HMGA2: variants seen among roughly 807,000 people sequenced by gnomAD.
The protein encoded by HMGA2 is high mobility group AT-hook 2, also known as high mobility group protein HMGI-C.
HMGA2 carries 8 observed loss-of-function variants against 19.1 expected under a neutral mutation model. The ratio of observed to expected loss-of-function variants is 0.42; its 90% CI spans 0.25 to 0.76. The LOEUF (loss-of-function observed/expected upper bound fraction) is 0.76, where lower values mean the gene tolerates loss of function less well. Ranked by LOEUF, HMGA2 falls within the 30% of genes least tolerant of loss-of-function variation. The pLI is 0.28. For missense variants in HMGA2, 109 were observed against 136.3 expected (o/e 0.80, Z 1.00); for synonymous variants, 60 against 48.8 (o/e 1.23, Z -0.96).
intron 3 of HMGA2, among the ~76,000 whole-genome samples, chr12:65,877,772 G>A (rs1291029958): frequency 6.6e-6 from 1 of 151,550 alleles, no homozygotes; most frequent in Non-Finnish European, 1.5e-5. Context: ...TGGATGACCT[G>A]CCTGGTTTTT....
At chr12:65,864,403 T>G (rs1247820747) in intron 3 of HMGA2, among the ~76,000 whole-genome samples, 1 of 152,126 alleles carries the variant, frequency 6.6e-6, no homozygotes, top group Non-Finnish European at 1.5e-5. Context: ...AAAGACAAAA[T>G]TACATAGCCA....
intron 3 of HMGA2, among the ~76,000 whole-genome samples, chr12:65,911,654 G>A (rs1874850643): frequency 6.6e-6 from 1 of 152,088 alleles, no homozygotes; most frequent in South Asian, 2.1e-4. Context: ...CTCCTAATGA[G>A]CATTCGGTCA....
intron 3 of HMGA2, among the ~76,000 whole-genome samples, chr12:65,943,360 A>G (rs551183391): frequency 2.2e-4 from 33 of 152,264 alleles, no homozygotes; most frequent in African/African-American, 7.5e-4. Context: ...CACCAGAGGG[A>G]AGGCAAAAAC....
At chr12:65,935,933 G>T (rs1053191276) in intron 3 of HMGA2, among the ~76,000 whole-genome samples, 6 of 152,040 alleles carry the variant, frequency 3.9e-5, no homozygotes, top group Admixed American at 2.0e-4. Flanking sequence ...GTCTTGCAGG[G>T]TAGCAGTTAA....
At chr12:65,835,423 C>T (rs531902879) in intron 2 of HMGA2, among the ~76,000 whole-genome samples, 6 of 152,272 alleles carry the variant, frequency 3.9e-5, no homozygotes, top group East Asian at 3.9e-4. Flanking sequence ...CCCAGATTGA[C>T]GCCACACAGC....
At chr12:65,905,222 A>G (rs1022631817) in intron 3 of HMGA2, among the ~76,000 whole-genome samples, 1 of 152,084 alleles carries the variant, frequency 6.6e-6, no homozygotes, top group Non-Finnish European at 1.5e-5. Context: ...GAAAATAAGG[A>G]TAAATACTAA....
At chr12:65,865,233 G>A (rs2070343813) in intron 3 of HMGA2, among the ~76,000 whole-genome samples, 1 of 152,196 alleles carries the variant, frequency 6.6e-6, no homozygotes, top group South Asian at 2.1e-4. Context: ...GCAGTCAACA[G>A]TAGGCTATTA....
intron 3 of HMGA2, among the ~76,000 whole-genome samples, chr12:65,885,661 A>G (rs538295101): frequency 2.6e-5 from 4 of 152,328 alleles, no homozygotes; most frequent in African/African-American, 9.6e-5. Context: ...TCGCTCATGC[A>G]CCTGACAGCA....
At chr12:65,894,843 A>G (rs1234145150) in intron 3 of HMGA2, among the ~76,000 whole-genome samples, 1 of 152,198 alleles carries the variant, frequency 6.6e-6, no homozygotes, top group African/African-American at 2.4e-5. Context: ...ACAATTATGT[A>G]TGCTCAATTA....
At chr12:65,896,530 C>T (rs541104277) in intron 3 of HMGA2, among the ~76,000 whole-genome samples, 27 of 152,178 alleles carry the variant, frequency 1.8e-4, no homozygotes, top group Non-Finnish European at 3.1e-4. Context: ...CTTTCTCTTT[C>T]TCTCTCTCTG....
intron 3 of HMGA2, chr12:65,857,351 T>C (rs916743795): frequency 6.6e-6 from 1 of 152,222 alleles, no homozygotes; most frequent in South Asian, 2.1e-4. Context: ...ACTGTATTTG[T>C]TATCATTTTG....
At chr12:65,904,287 T>C (rs1184441965) in intron 3 of HMGA2, among the ~76,000 whole-genome samples, 2 of 152,244 alleles carry the variant, frequency 1.3e-5, no homozygotes, top group East Asian at 3.8e-4. Flanking sequence ...TCACCCAGTC[T>C]ACCTCTAGAT....
chr12:65,880,371 G>A (rs975376827), intron 3 of HMGA2, among the ~76,000 whole-genome samples: 2 of 152,204 alleles, frequency 1.3e-5, no homozygotes, highest in Non-Finnish European at 2.9e-5. Context: ...TTATGGCAAT[G>A]AAGGATTTTT....
intron 3 of HMGA2, among the ~76,000 whole-genome samples, chr12:65,838,940 T>A (rs1232391055): frequency 6.6e-6 from 1 of 151,838 alleles, no homozygotes; most frequent in Non-Finnish European, 1.5e-5. Context: ...TCATACACAA[T>A]GTGTATGTGA....
intron 3 of HMGA2, among the ~76,000 whole-genome samples, chr12:65,848,642 G>A (rs1224797639): frequency 6.6e-6 from 1 of 152,020 alleles, no homozygotes; most frequent in Non-Finnish European, 1.5e-5. Context: ...GGATCATGAG[G>A]TCAGGAGATC....
At chr12:65,833,866 T>C (rs1402979002) in intron 2 of HMGA2, among the ~76,000 whole-genome samples, 1 of 152,138 alleles carries the variant, frequency 6.6e-6, no homozygotes, top group African/African-American at 2.4e-5. Context: ...GAAAGTCACT[T>C]TGGAAACTAA....
At chr12:65,943,249 T>C (rs375976256) in intron 3 of HMGA2, among the ~76,000 whole-genome samples, 3 of 152,192 alleles carry the variant, frequency 2.0e-5, no homozygotes, top group African/African-American at 7.2e-5. Flanking sequence ...CTTCATCAGG[T>C]CAGAATCCAG....
intron 3 of HMGA2, among the ~76,000 whole-genome samples, chr12:65,883,193 G>C (rs1001787663): frequency 6.6e-6 from 1 of 152,216 alleles, no homozygotes; most frequent in Admixed American, 6.5e-5. Flanking sequence ...AAGAGGAAAG[G>C]CGATGGATCA....
intron 4 of HMGA2, chr12:65,952,239 G>A (rs376388512): frequency 1.4e-6 from 1 of 704,650 alleles, no homozygotes; most frequent in South Asian, 1.8e-5. Context: ...AAAATAAGTA[G>A]TAAGCAGTGT....
Sources: gnomAD v4.1 joint callset for allele counts (sites outside exome capture counted in the v4.1 genomes callset) on GRCh38, gnomAD v4.1.1 for gene constraint, MANE v1.5 for transcripts, NCBI Gene and HGNC (gene_info 2026-07-23, HGNC 2026-07-21) for gene names.